DCUN1D3: variants seen among roughly 807,000 people sequenced by gnomAD.
The protein encoded by DCUN1D3 is defective in cullin neddylation 1 domain containing 3.
Under a neutral mutation model 24.8 loss-of-function variants are expected in DCUN1D3, and 6 were observed. The ratio of observed to expected loss-of-function variants is 0.24; its 90% CI spans 0.13 to 0.48. The LOEUF is 0.48. Among genes scored for constraint, DCUN1D3 ranks in the 20% least tolerant of loss-of-function variants. The pLI, the probability that DCUN1D3 is intolerant of heterozygous loss-of-function variation, is 0.99. For synonymous variants in DCUN1D3, 120 were observed against 144.9 expected, an observed-to-expected ratio of 0.83 and a Z score of 1.24; for missense variants, 258 against 379.4, an observed-to-expected ratio of 0.68 and a Z score of 2.66.
intron 1 of DCUN1D3, among the ~76,000 whole-genome samples, chr16:20,882,466 T>C (rs1052240734): frequency 6.6e-6 from 1 of 151,892 alleles, no homozygotes; most frequent in East Asian, 1.9e-4. Flanking sequence ...GGTATCTCCA[T>C]GTTGGTCAGA....
chr16:20,859,859 CT>C lies in DCUN1D3; in HGVS notation c.*26del. The C allele has an allele frequency of 6.4e-7, 1 of 1,559,812 alleles. No homozygotes were observed. The highest frequency in any genetic ancestry group is 8.7e-7 in the Non-Finnish European group (1 of 1,151,316). On this transcript the variant is annotated 3_prime_UTR_variant, in exon 3 of 3. Transcript: ENST00000324344. ...TTGGCTGCAGGGCAGCTGGCAGATC[CT>C]TGCTGCTGCTCCTGGGACAGAGCCA...
intron 1 of DCUN1D3, among the ~76,000 whole-genome samples, chr16:20,872,473 TAA>T (rs539641152): frequency 3.6e-5 from 5 of 138,342 alleles, no homozygotes; most frequent in Admixed American, 7.3e-5. Context: ...TGCTAATTCT[TAA>T]AAAAAAAAAA....
At chr16:20,888,484 G>A (rs2081877031) in intron 1 of DCUN1D3, among the ~76,000 whole-genome samples, 1 of 152,010 alleles carries the variant, frequency 6.6e-6, no homozygotes, top group Non-Finnish European at 1.5e-5. Context: ...TTTTGAGCAG[G>A]GTCTCACTTT....
At chr16:20,883,181 G>A (rs2081852829) in intron 1 of DCUN1D3, among the ~76,000 whole-genome samples, 1 of 152,134 alleles carries the variant, frequency 6.6e-6, no homozygotes. Flanking sequence ...AGGTTTCAGA[G>A]TTTCAGTAAC....
At chr16:20,887,184 C>T (rs2081871546) in intron 1 of DCUN1D3, among the ~76,000 whole-genome samples, 1 of 152,094 alleles carries the variant, frequency 6.6e-6, no homozygotes, top group African/African-American at 2.4e-5. Context: ...TGCCTGTAAT[C>T]CCAGCTACTC....
At chr16:20,894,076 G>A (rs2081904539) in intron 1 of DCUN1D3, among the ~76,000 whole-genome samples, 1 of 152,128 alleles carries the variant, frequency 6.6e-6, no homozygotes, top group African/African-American at 2.4e-5. Context: ...AGACCAGCCT[G>A]GGCAACACAG....
At chr16:20,893,863 C>G (rs1339000918) in intron 1 of DCUN1D3, among the ~76,000 whole-genome samples, 1 of 152,218 alleles carries the variant, frequency 6.6e-6, no homozygotes, top group East Asian at 1.9e-4. Context: ...AGGACACATA[C>G]TAATCCACTT....
chr16:20,869,913 G>C (rs1267786854), intron 1 of DCUN1D3, among the ~76,000 whole-genome samples: 1 of 152,110 alleles, frequency 6.6e-6, no homozygotes, highest in Non-Finnish European at 1.5e-5. Flanking sequence ...GCTATGATGT[G>C]TGCCAGGATA....
chr16:20,890,133 C>T (rs569751644), intron 1 of DCUN1D3, among the ~76,000 whole-genome samples: 2 of 152,268 alleles, frequency 1.3e-5, no homozygotes, highest in South Asian at 4.1e-4. Flanking sequence ...ATAAATAAAT[C>T]CTTTGTAACA....
chr16:20,892,323 T>C (rs1337087592), intron 1 of DCUN1D3, among the ~76,000 whole-genome samples: 3 of 152,060 alleles, frequency 2.0e-5, no homozygotes, highest in Non-Finnish European at 4.4e-5. Flanking sequence ...AGGAAGAAAA[T>C]GTCACAACTG....
chr16:20,886,088 T>C (rs1417986132), intron 1 of DCUN1D3, among the ~76,000 whole-genome samples: 1 of 146,532 alleles, frequency 6.8e-6, no homozygotes, highest in East Asian at 2.0e-4. Flanking sequence ...AGGCCACCAA[T>C]ACTAATGGCT....
At chr16:20,865,973 G>T (rs1049683252) in intron 1 of DCUN1D3, among the ~76,000 whole-genome samples, 51 of 152,154 alleles carry the variant, frequency 3.4e-4, no homozygotes, top group African/African-American at 1.2e-3. Flanking sequence ...TGCCCTCAAA[G>T]ACTTGTAGTT....
chr16:20,872,562 C>T (rs1007926317), intron 1 of DCUN1D3, among the ~76,000 whole-genome samples: 1 of 151,330 alleles, frequency 6.6e-6, no homozygotes, highest in Non-Finnish European at 1.5e-5. Context: ...GCATAGCAGA[C>T]AGGAAGAGGA....
At position 20,860,207 on chromosome 16, in the gene DCUN1D3, C is replaced by T; in HGVS notation, c.594G>A (p.Arg198=). ...QFGLDSEEGQ[R]SLHREIAIAL... ...CAATGGCTATTTCCCGATGCAGTGA[C>T]CGCTGCCCTTCTTCAGAGTCCAGGC... The change falls in exon 3 of 3, where the codon CGG becomes CGA. Residue 198 remains arginine, a synonymous_variant. Transcript: ENST00000324344. This position sits in a 1 kb window ranked among gnomAD's most constrained non-coding sequence, Gnocchi z 4.3. 1 of 1,614,208 alleles carries T rather than the reference C, an allele frequency of 6.2e-7. No individual in the cohort carries two copies. The highest frequency in any genetic ancestry group is 1.6e-4 in the Middle Eastern group (1 of 6,062).
At chr16:20,893,677 T>G (rs924526050) in intron 1 of DCUN1D3, among the ~76,000 whole-genome samples, 1 of 152,170 alleles carries the variant, frequency 6.6e-6, no homozygotes, top group Non-Finnish European at 1.5e-5. Flanking sequence ...GCCACAAGCA[T>G]ACTTCAACAA....
At chr16:20,864,100 A>T (rs572601177) in intron 1 of DCUN1D3, among the ~76,000 whole-genome samples, 1 of 152,340 alleles carries the variant, frequency 6.6e-6, no homozygotes, top group South Asian at 2.1e-4. Context: ...AGCAATCAAA[A>T]CAAAAGCAAA....
chr16:20,887,377 T>G (rs2081872360), intron 1 of DCUN1D3, among the ~76,000 whole-genome samples: 1 of 152,148 alleles, frequency 6.6e-6, no homozygotes, highest in Non-Finnish European at 1.5e-5. Flanking sequence ...AAAATCATCT[T>G]ATGCACCATC....
chr16:20,884,020 T>A (rs1399961880), intron 1 of DCUN1D3, among the ~76,000 whole-genome samples: 5 of 152,160 alleles, frequency 3.3e-5, no homozygotes, highest in Non-Finnish European at 7.3e-5. Flanking sequence ...AACTAAAAGG[T>A]TATTCTACCA....
In DCUN1D3 at chr16:20,875,494, T is replaced by A. The variant is rs560013482; in HGVS notation, c.-105-12851A>T. 1.5e-3 allele frequency among the ~76,000 whole-genome samples: 230 copies of A among 152,304 alleles called. 1 individual carries two copies. The highest frequency in any genetic ancestry group is 5.3e-3 in the African/African-American group (222 of 41,546). ...AGCCCAGCTCTACCAACTCTCTAGC[T>A]CACACTTAACCATATTCCATCTCAG... On this transcript the variant is annotated intron_variant, in intron 1 of 2. Transcript: ENST00000324344.
Sources: allele counts gnomAD v4.1 joint callset (sites outside exome capture counted in the v4.1 genomes callset), GRCh38; gene constraint gnomAD v4.1.1; non-coding constraint Gnocchi (gnomAD v3.1); transcripts MANE v1.5; gene names NCBI Gene and HGNC (gene_info 2026-07-23, HGNC 2026-07-21).